The following CALN1 variants were observed in gnomAD, a reference collection of about 807,000 sequenced individuals.
CALN1 encodes the protein calneuron 1.
CALN1 carries 17 observed loss-of-function variants against 30.6 expected under a neutral mutation model. The observed-to-expected ratio is 0.56, with a 90% CI of 0.38 to 0.83. The LOEUF (loss-of-function observed/expected upper bound fraction) is 0.83. Among genes scored for constraint, CALN1 ranks in the 40% least tolerant of loss-of-function variants. CALN1 has a pLI of 0.00. For missense variants in CALN1, 291 were observed against 354.9 expected (o/e 0.82, Z 1.45); for synonymous variants, 156 against 131.4 (o/e 1.19, Z -1.28).
intron 6 of CALN1, among the ~76,000 whole-genome samples, chr7:71,799,425 A>G (rs371139025): frequency 1.1e-4 from 3 of 26,924 alleles, no homozygotes; most frequent in African/African-American, 2.0e-4. Context: ...GGGTCTTTTT[A>G]TTTATTTATT....
intron 3 of CALN1, among the ~76,000 whole-genome samples, chr7:72,202,635 T>A (rs1021632610): frequency 2.0e-5 from 3 of 152,198 alleles, no homozygotes; most frequent in Non-Finnish European, 4.4e-5. Flanking sequence ...GGGGAAGGGT[T>A]AGAAACCCAA....
At chr7:71,796,445 C>T (rs576317393) in intron 6 of CALN1, among the ~76,000 whole-genome samples, 23 of 151,030 alleles carry the variant, frequency 1.5e-4, no homozygotes, top group Admixed American at 2.6e-4. Flanking sequence ...CTGCAACCTC[C>T]GCCTCCCAAA....
intron 3 of CALN1, among the ~76,000 whole-genome samples, chr7:72,259,747 T>C: frequency 6.6e-6 from 1 of 152,202 alleles, no homozygotes; most frequent in East Asian, 1.9e-4. Context: ...TAAATTCCCA[T>C]GCCAACTTCT....
chr7:72,401,695 T>A (rs4128154), intron 2 of CALN1, among the ~76,000 whole-genome samples: 1 of 151,938 alleles, frequency 6.6e-6, no homozygotes, highest in Non-Finnish European at 1.5e-5. Flanking sequence ...AAATTCCAAA[T>A]TCCCAAAATT....
At chr7:72,271,701 T>C (rs1435216164) in intron 3 of CALN1, among the ~76,000 whole-genome samples, 2 of 149,914 alleles carry the variant, frequency 1.3e-5, no homozygotes, top group Non-Finnish European at 3.0e-5. Flanking sequence ...ACCAAGGCAG[T>C]GATGGACTGC....
Position 72,273,893 on chromosome 7 carries a change from A to G in CALN1, c.244+4793T>C, listed in dbSNP as rs536326392. ...ACTTCATAATGTTGAGTTACAAAGC[A>G]TAATAGAAAAAAGCAATATAAATTA... On this transcript the variant is annotated intron_variant, in intron 3 of 6. Coordinates refer to ENST00000395275, the MANE Select transcript of CALN1 (RefSeq NM_031468.4). 3.9e-5 allele frequency among the ~76,000 whole-genome samples: 6 copies of G among 152,322 alleles called. No homozygotes were observed. In the South Asian group the frequency reaches 1.2e-3, roughly 32 times the overall value.
At chr7:72,215,742 G>C (rs983381219) in intron 3 of CALN1, among the ~76,000 whole-genome samples, 30 of 152,130 alleles carry the variant, frequency 2.0e-4, no homozygotes, top group African/African-American at 7.0e-4. Flanking sequence ...GATGGACCCA[G>C]CTAGGATCTC....
chr7:71,830,115 C>T (rs942295024), intron 5 of CALN1, among the ~76,000 whole-genome samples: 1 of 150,314 alleles, frequency 6.7e-6, no homozygotes. Flanking sequence ...ATGATCTTGG[C>T]TCACTGCAAC....
chr7:72,139,204 C>A (rs934029908), intron 3 of CALN1, among the ~76,000 whole-genome samples: 1 of 152,212 alleles, frequency 6.6e-6, no homozygotes, highest in East Asian at 1.9e-4. Context: ...TCCATCCCCT[C>A]TTTGATGTCC....
At chr7:72,335,815 C>T (rs946216910) in intron 2 of CALN1, among the ~76,000 whole-genome samples, 2 of 152,228 alleles carry the variant, frequency 1.3e-5, no homozygotes, top group African/African-American at 4.8e-5. Context: ...CCGATCCCCT[C>T]GGTGCACGCT....
chr7:72,070,934 A>C (rs1295485769), intron 4 of CALN1, among the ~76,000 whole-genome samples: 1 of 152,210 alleles, frequency 6.6e-6, no homozygotes, highest in Non-Finnish European at 1.5e-5. Flanking sequence ...TTCACCCAGA[A>C]AGTCAAAACA....
chr7:72,163,447 T>C (rs957912361), intron 3 of CALN1, among the ~76,000 whole-genome samples: 2 of 126,914 alleles, frequency 1.6e-5, no homozygotes, highest in Admixed American at 7.6e-5. Context: ...ACACAGTCAA[T>C]AGAAACAGAC....
At chr7:72,325,756 T>C (rs1801230658) in intron 2 of CALN1, among the ~76,000 whole-genome samples, 1 of 152,136 alleles carries the variant, frequency 6.6e-6, no homozygotes, top group Non-Finnish European at 1.5e-5. Flanking sequence ...TGAGGGCAGA[T>C]GATCTATTGG....
intron 3 of CALN1, among the ~76,000 whole-genome samples, chr7:72,187,096 TA>T (rs1184709950): frequency 1.3e-5 from 2 of 152,034 alleles, no homozygotes; most frequent in African/African-American, 4.8e-5. Context: ...TTTAGCCAGT[TA>T]AAAGTTGCAA....
intron 3 of CALN1, among the ~76,000 whole-genome samples, chr7:72,144,962 A>T (rs1810238476): frequency 6.6e-6 from 1 of 152,198 alleles, no homozygotes; most frequent in African/African-American, 2.4e-5. Context: ...TCTGGGACAC[A>T]TTTAAAGCAG....
chr7:71,977,039 G>A (rs1014319762), intron 5 of CALN1, among the ~76,000 whole-genome samples: 14 of 152,090 alleles, frequency 9.2e-5, no homozygotes, highest in African/African-American at 3.1e-4. Context: ...ACAAACAGAC[G>A]AATTTGATCT....
At chr7:72,383,280 G>C (rs866319614) in intron 2 of CALN1, among the ~76,000 whole-genome samples, 5 of 152,168 alleles carry the variant, frequency 3.3e-5, no homozygotes, top group Non-Finnish European at 7.4e-5. Flanking sequence ...TCTATATTCT[G>C]TAATGAGGCT....
chr7:71,944,750 G>C (rs1168061930), intron 5 of CALN1, among the ~76,000 whole-genome samples: 5 of 152,064 alleles, frequency 3.3e-5, no homozygotes, highest in African/African-American at 1.2e-4. Flanking sequence ...TACATCCGAA[G>C]TCAAGAATCT....
intron 4 of CALN1, among the ~76,000 whole-genome samples, chr7:72,074,615 C>T (rs1436205266): frequency 6.6e-6 from 1 of 152,142 alleles, no homozygotes; most frequent in African/African-American, 2.4e-5. Context: ...GCCGTGTTGG[C>T]CAGGCTGGTC....
Sources: gnomAD v4.1 joint callset for allele counts (sites outside exome capture counted in the v4.1 genomes callset) on GRCh38, gnomAD v4.1.1 for gene constraint, MANE v1.5 for transcripts, NCBI Gene and HGNC (gene_info 2026-07-23, HGNC 2026-07-21) for gene names.